Variants in MTIF2 observed in about 807,000 individuals in gnomAD.
MTIF2 encodes translation initiation factor IF-2, mitochondrial.
In MTIF2, 71 loss-of-function variants were observed where a neutral mutation model predicts 83.5. That is an observed-to-expected ratio of 0.85 (90% CI 0.70 to 1.04). The LOEUF (loss-of-function observed/expected upper bound fraction) is 1.04, where lower values mean the gene tolerates loss of function less well. Ranked by LOEUF, MTIF2 falls within the 50% of genes least tolerant of loss-of-function variation. The pLI is 0.00. For missense variants in MTIF2, 957 were observed against 846.5 expected (o/e 1.13, Z -1.62); for synonymous variants, 319 against 287.1 (o/e 1.11, Z -1.12).
chr2:55,265,805 T>G (rs966093607), intron 3 of MTIF2, among the ~76,000 whole-genome samples: 1 of 152,236 alleles, frequency 6.6e-6, no homozygotes, highest in African/African-American at 2.4e-5. Flanking sequence ...TTTGTATCCA[T>G]GTGTTCCACA....
intron 3 of MTIF2, 39 bp from the exon 4 acceptor site, chr2:55,263,904 C>A: frequency 6.9e-7 from 1 of 1,456,806 alleles, no homozygotes; most frequent in South Asian, 1.2e-5. Context: ...ATATTCAAAT[C>A]AAGTTAGCAA....
intron 11 of MTIF2, 50 bp downstream of exon 11, chr2:55,243,979 T>C (rs939908007): frequency 2.1e-6 from 3 of 1,422,564 alleles, no homozygotes; most frequent in Non-Finnish European, 2.9e-6. Flanking sequence ...TAAACTGGCA[T>C]TTAAAATCAT....
rs1676205146 is a variant in MTIF2, at chr2:55,240,229, T to C, written c.1706-54A>G. On this transcript the variant is annotated intron_variant, in intron 13 of 15. Transcript: ENST00000263629. ...TAGCACAACGATTACATTATAATCATTTATTTGTCTTTCAAGCAGAAACTT... is the reference window on the plus strand; with the variant it reads ...TAGCACAACGATTACATTATAATCACTTATTTGTCTTTCAAGCAGAAACTT... The C allele has an allele frequency of 2.8e-6, 4 of 1,429,302 alleles. No homozygotes were observed. In the South Asian group the frequency reaches 5.3e-5, roughly 19 times the overall value. 88.5% of individuals were successfully genotyped at this position (1,429,302 alleles called of 1,614,324 possible). A position where few individuals can be genotyped will look rare whatever the true frequency, so the allele number is the denominator to read the frequency against.
At chr2:55,266,604 A>C (rs1397623582) in intron 3 of MTIF2, 5 of 148,358 alleles carry the variant, frequency 3.4e-5, no homozygotes, top group Middle Eastern at 3.3e-3. Flanking sequence ...TTATATTTAT[A>C]TACAACATAT....
chr2:55,246,324 T>G lies in MTIF2; in HGVS notation c.1106+13A>C. 1 of 1,591,796 alleles carries G rather than the reference T, an allele frequency of 6.3e-7. No homozygotes were observed. Among genetic ancestry groups the G allele is most frequent in the Admixed American group, 1.8e-5 (1 of 56,830 alleles). ...AGAACAAATTAAAAAGGCAAGCATT[T>G]TAAGAGTCCTACCCTCTTCCTTTGT... On this transcript the variant is annotated intron_variant, in intron 10 of 15. Transcript: ENST00000263629.
chr2:55,237,214 A>C, intron 15 of MTIF2, 74 bp downstream of exon 15: 1 of 1,467,358 alleles, frequency 6.8e-7, no homozygotes, highest in African/African-American at 1.4e-5. Context: ...AGATGAACAG[A>C]TTTCAGATGG....
intron 5 of MTIF2, among the ~76,000 whole-genome samples, chr2:55,258,255 C>T (rs1216441809): frequency 6.6e-6 from 1 of 152,158 alleles, no homozygotes; most frequent in Non-Finnish European, 1.5e-5. Context: ...TGCCAAGAAA[C>T]GATTTCCTAT....
Position 55,240,070 on chromosome 2 carries a change from T to TC in MTIF2, c.1810dup (p.Glu604GlyfsTer22). 1 of 1,613,702 alleles carries TC rather than the reference T, an allele frequency of 6.2e-7. No individual in the cohort carries two copies. The highest frequency in any genetic ancestry group is 8.5e-7 in the Non-Finnish European group (1 of 1,180,032). On this transcript the variant is annotated frameshift_variant, in exon 14 of 16. Transcript: ENST00000263629. LOFTEE classifies it high-confidence loss of function. ...GCTGCTCAGTTCCTCTTGCAAATCT[T>TC]CAACAAGACGGTAAATTATTTTGTG...
In MTIF2 at chr2:55,242,905, G is replaced by A. The variant is rs1242318065; in HGVS notation, c.1705+35C>T. ...AGCAGATGGTTCAGTGTTATTTGGG[G>A]AACACAGATTAACAAGAAGAAATGG... On this transcript the variant is annotated intron_variant, in intron 13 of 15. Transcript: ENST00000263629. 6.3e-6 allele frequency: 10 copies of A among 1,588,508 alleles called. No homozygotes were observed. In the African/African-American group the frequency reaches 8.1e-5, roughly 13 times the overall value.
intron 3 of MTIF2, chr2:55,266,661 T>C (rs1678452302): frequency 6.7e-6 from 1 of 149,486 alleles, no homozygotes; most frequent in Non-Finnish European, 1.5e-5. Context: ...GTCTTTAAAA[T>C]TGTTCACAAA....
chr2:55,247,994 G>A (rs968115979), intron 9 of MTIF2, among the ~76,000 whole-genome samples: 1 of 152,048 alleles, frequency 6.6e-6, no homozygotes, highest in East Asian at 1.9e-4. Flanking sequence ...TGGCTCAAGT[G>A]GTCCTCCAGT....
In MTIF2 at chr2:55,263,763, C is replaced by G; in HGVS notation, c.96G>C (p.Gln32His). 6.2e-7 allele frequency: 1 copy of G among 1,614,148 alleles called. No homozygotes were observed. Among genetic ancestry groups the G allele is most frequent in the Non-Finnish European group, 8.5e-7 (1 of 1,180,014 alleles). The change falls in exon 4 of 16, where the codon CAG becomes CAC. Residue 32 changes from glutamine (Q) to histidine (H), a missense_variant. Physicochemically the swap from Gln to His is conservative, Grantham distance 24. Coordinates refer to ENST00000263629, the MANE Select transcript of MTIF2 (RefSeq NM_002453.3). ...AAGCAGATGAAAACCCATGCCTCCACTGTCTTAATGCTCTTCTTTGACACA... is the reference window on the plus strand; with the variant it reads ...AAGCAGATGAAAACCCATGCCTCCAGTGTCTTAATGCTCTTCTTTGACACA... ...HSLCQRRALR[Q>H]WRHGFSSAYP...
chr2:55,254,886 T>A, intron 5 of MTIF2, 61 bp from the exon 6 acceptor site: 1 of 1,035,204 alleles, frequency 9.7e-7, no homozygotes, highest in Non-Finnish European at 1.3e-6. Context: ...AAGTAATCTC[T>A]ATTAATAAAT....
At chr2:55,242,234 C>A (rs1176454034) in intron 13 of MTIF2, among the ~76,000 whole-genome samples, 1 of 152,082 alleles carries the variant, frequency 6.6e-6, no homozygotes, top group Admixed American at 6.5e-5. Context: ...CAGTGCCTAC[C>A]AAATACTTTT....
At chr2:55,252,845 G>C (rs1023758053) in intron 7 of MTIF2, among the ~76,000 whole-genome samples, 192 bp from the exon 8 acceptor site, 1 of 151,958 alleles carries the variant, frequency 6.6e-6, no homozygotes, top group Non-Finnish European at 1.5e-5. Context: ...GATTCTTATG[G>C]GTTTTTTTCC....
Position 55,263,731 on chromosome 2 carries a change from A to G in MTIF2, c.128T>C (p.Val43Ala). The stretch of plus-strand genomic sequence containing the variant: ...CCAGGCACACAGTTGAGCTGTCCAC[A>G]CAGGGTAAGCAGATGAAAACCCATG... ...WRHGFSSAYP[V>A]WTAQLCAWPW... Residue 43 changes from valine to alanine, a missense_variant, in exon 4 of 16, where the codon GTG becomes GCG. Physicochemically the swap from Val to Ala is moderately conservative, Grantham distance 64. This residue lies in a region of MTIF2 where 733 missense variants were observed against 648.7 expected (regional missense o/e 1.13). Transcript: ENST00000263629. 1 of 1,614,186 alleles carries G rather than the reference A, an allele frequency of 6.2e-7. No individual in the cohort carries two copies. The highest frequency in any genetic ancestry group is 2.2e-5 in the East Asian group (1 of 44,882).
intron 3 of MTIF2, among the ~76,000 whole-genome samples, chr2:55,265,863 A>G (rs897245242): frequency 7.9e-5 from 12 of 152,298 alleles, no homozygotes; most frequent in Non-Finnish European, 1.3e-4. Context: ...TAATTTTTTA[A>G]AAAGATGGTT....
Position 55,243,434 on chromosome 2 carries a change from G to T in MTIF2, c.1546C>A (p.Leu516Ile), listed in dbSNP as rs377518971. Residue 516 changes from leucine (L) to isoleucine (I), a missense_variant, in exon 12 of 16, where the codon CTT (leucine) becomes ATT (isoleucine). Physicochemically the swap from Leu to Ile is conservative, Grantham distance 5. This residue lies in a region of MTIF2 where 733 missense variants were observed against 648.7 expected (regional missense o/e 1.13). Coordinates refer to ENST00000263629, the MANE Select transcript of MTIF2 (RefSeq NM_002453.3). ...KEKRERDSNV[L>I]SVIIKGDVDG... ...AAGATACCTTTAATAATCACAGAAA[G>T]TACATTTGAATCTCTTTCCCTTTTC... 1 of 1,606,444 alleles carries T rather than the reference G, an allele frequency of 6.2e-7. No individual in the cohort carries two copies. Among genetic ancestry groups the T allele is most frequent in the Admixed American group, 1.7e-5 (1 of 59,576 alleles).
At chr2:55,258,563 G>A (rs960271008) in intron 5 of MTIF2, among the ~76,000 whole-genome samples, 2 of 151,708 alleles carry the variant, frequency 1.3e-5, no homozygotes, top group Non-Finnish European at 2.9e-5. Flanking sequence ...TGTAATCCCA[G>A]AACTTTGGGA....
Sources: allele counts gnomAD v4.1 joint callset (sites outside exome capture counted in the v4.1 genomes callset), GRCh38; gene constraint gnomAD v4.1.1; regional missense constraint gnomAD v4.1.1; transcripts MANE v1.5; gene names NCBI Gene and HGNC (gene_info 2026-07-23, HGNC 2026-07-21).